The following AHRR variants were observed in gnomAD, a reference collection of about 807,000 sequenced individuals.
AHRR encodes the protein ahR repressor.
Under a neutral mutation model 44.0 loss-of-function variants are expected in AHRR, and 28 were observed. That is an observed-to-expected ratio of 0.64 (90% confidence interval 0.47 to 0.87). AHRR has a LOEUF of 0.87. AHRR is among the 40% of genes least tolerant of loss of function. The pLI is 0.00. For synonymous variants in AHRR, 434 were observed against 407.0 expected, an observed-to-expected ratio of 1.07 and a Z score of -0.80; for missense variants, 990 against 953.9, an observed-to-expected ratio of 1.04 and a Z score of -0.50.
Position 404,617 on chromosome 5 carries a change from A to C in AHRR, c.352-8727A>C. The stretch of plus-strand genomic sequence containing the variant: ...TTATGACGGTTTGGAAAAAACTGTC[A>C]TAAAAATTCACTCTCTTGGTTGAGT... On this transcript the variant is annotated intron_variant, in intron 4 of 10. Transcript: ENST00000684583. The surrounding 1 kb of genome is among the most constrained non-coding windows in gnomAD (Gnocchi z 4.1). The C allele has an allele frequency of 4.6e-6, 1 of 216,164 alleles. No homozygotes were observed. The highest frequency in any genetic ancestry group is 9.4e-6 in the Non-Finnish European group (1 of 106,526). The allele number at this position is 216,164 out of a possible 1,614,324, so 13.4% of individuals were successfully genotyped here.
chr5:349,019 G>C (rs1028101858), intron 2 of AHRR, among the ~76,000 whole-genome samples: 13 of 152,194 alleles, frequency 8.5e-5, no homozygotes, highest in Non-Finnish European at 1.8e-4. Context: ...CTCATGGGTT[G>C]GTGGTATCTC....
intron 3 of AHRR, among the ~76,000 whole-genome samples, chr5:368,595 G>A (rs1337854675): frequency 6.6e-6 from 1 of 152,258 alleles, no homozygotes; most frequent in East Asian, 1.9e-4. Flanking sequence ...ATGTGTGCAA[G>A]TATTCTTTTT....
intron 8 of AHRR, among the ~76,000 whole-genome samples, chr5:430,053 C>T (rs979141837): frequency 3.9e-5 from 6 of 152,230 alleles, no homozygotes; most frequent in South Asian, 4.1e-4. Context: ...CAGACGTCCC[C>T]GCCCTGTTCT....
chr5:376,336 G>T (rs1560898126), intron 3 of AHRR, among the ~76,000 whole-genome samples: 1 of 152,150 alleles, frequency 6.6e-6, no homozygotes, highest in Non-Finnish European at 1.5e-5. Context: ...AGCGGGTGTG[G>T]GGGCGTCCTC....
chr5:421,311 A>C (rs11745813), intron 5 of AHRR: 85,544 of 696,300 alleles, frequency 0.12, 6,144 homozygotes, highest in Admixed American at 0.17. Flanking sequence ...AGGTGCCCCC[A>C]CGGTCGCGAT....
chr5:336,126 C>T (rs1468683654), intron 1 of AHRR, among the ~76,000 whole-genome samples: 2 of 152,246 alleles, frequency 1.3e-5, no homozygotes, highest in Non-Finnish European at 2.9e-5. Context: ...GGCATGTTCC[C>T]TCCTGGAGCA....
At position 376,593 on chromosome 5, in the gene AHRR, C is replaced by T. The variant is rs1733707649; in HGVS notation, c.245-17C>T. ...CAAGGGTTGGGGGTGCCTAATGTGT[C>T]TTTTCTTCTCTGACAGTCGTGCAGG... On this transcript the variant is annotated splice_polypyrimidine_tract_variant and intron_variant, in intron 3 of 10. Transcript: ENST00000684583. The T allele has an allele frequency of 1.1e-6, 1 of 869,602 alleles. No homozygotes were observed. Among genetic ancestry groups the T allele is most frequent in the Non-Finnish European group, 1.4e-6 (1 of 729,134 alleles). 53.9% of individuals were successfully genotyped at this position (869,602 alleles called of 1,614,324 possible).
chr5:427,421 C>T (rs980003043), intron 7 of AHRR, among the ~76,000 whole-genome samples: 2 of 96,572 alleles, frequency 2.1e-5, no homozygotes, highest in African/African-American at 8.7e-5. Context: ...AGATCATCCA[C>T]TCCTGCGAAT....
In AHRR at chr5:434,361, T is replaced by C; in HGVS notation, c.1621T>C (p.Cys541Arg). The C allele has an allele frequency of 6.2e-7, 1 of 1,613,262 alleles. No homozygotes were observed. ...VSIKMEKDSG[C>R]EGAADGCVPS... is the part of the protein sequence containing the mutation. ...CATCAAGATGGAGAAGGACTCTGGGTGTGAGGGTGCTGCAGACGGCTGTGT... is the reference window on the plus strand; with the variant it reads ...CATCAAGATGGAGAAGGACTCTGGGCGTGAGGGTGCTGCAGACGGCTGTGT... The change falls in exon 11 of 11, where the codon TGT becomes CGT. Residue 541 changes from cysteine (C) to arginine (R), a missense_variant. Coordinates refer to ENST00000684583, the MANE Select transcript of AHRR (RefSeq NM_001377236.1).
In AHRR at chr5:436,104, C is replaced by T. The variant is rs1010500030; in HGVS notation, c.*1270C>T. 3.8e-5 allele frequency: 5 copies of T among 129,978 alleles called. No individual in the cohort carries two copies. The East Asian group carries it at 1.1e-3, about 28-fold the overall frequency. 8.1% of individuals were successfully genotyped at this position (129,978 alleles called of 1,614,324 possible). ...CCACCTGTGCGGGGGTGGGAAGGCC[C>T]CATCCTCAGGGAGAGGGCATCGGCG... On this transcript the variant is annotated 3_prime_UTR_variant, in exon 11 of 11. Transcript: ENST00000684583.
At chr5:401,349 C>T (rs761005659) in intron 4 of AHRR, among the ~76,000 whole-genome samples, 2 of 152,210 alleles carry the variant, frequency 1.3e-5, no homozygotes, top group Non-Finnish European at 2.9e-5. Context: ...GAAAGGGCCT[C>T]GATGCCACAG....
chr5:375,028 T>G (rs1056463143), intron 3 of AHRR, among the ~76,000 whole-genome samples: 6 of 152,046 alleles, frequency 3.9e-5, no homozygotes, highest in African/African-American at 1.2e-4. Context: ...TGTGAACCAC[T>G]TTGACTAGCA....
chr5:373,877 G>C lies in AHRR; in HGVS notation c.245-2733G>C, dbSNP rs1743670734. ...GGGGGCGGGAGCGCTGCTCGCACGCGAGGCCTGGCTGGCCCCATCGCGTGA... is the reference window on the plus strand; with the variant it reads ...GGGGGCGGGAGCGCTGCTCGCACGCCAGGCCTGGCTGGCCCCATCGCGTGA... On this transcript the variant is annotated intron_variant, in intron 3 of 10. Transcript: ENST00000684583. Among the ~76,000 whole-genome samples the C allele has an allele frequency of 4.0e-5, 6 of 151,022 alleles. No homozygotes were observed. The South Asian group carries it at 1.2e-3, about 31-fold the overall frequency.
chr5:422,838 A>G lies in AHRR; in HGVS notation c.551A>G (p.Gln184Arg). Residue 184 changes from glutamine (Q) to arginine (R), a missense_variant, in exon 6 of 11, where the codon CAG (glutamine) becomes CGG (arginine). Gln to Arg is a conservative substitution (Grantham distance 43). Coordinates refer to ENST00000684583, the MANE Select transcript of AHRR (RefSeq NM_001377236.1). ...AMDPPQVVFGQPPPLETGDDA... is the reference protein window; with the variant it reads ...AMDPPQVVFGRPPPLETGDDA... ...GACCCTCCCCAGGTGGTGTTTGGGC[A>G]GCCCCCGCCCTTGGAGACAGGTGGG... The G allele has an allele frequency of 6.2e-7, 1 of 1,613,268 alleles. No individual in the cohort carries two copies. Among genetic ancestry groups the G allele is most frequent in the Non-Finnish European group, 8.5e-7 (1 of 1,179,426 alleles).
rs74545098 is a variant in AHRR at position 378,836 on chromosome 5, C to T, written c.351+2120C>T. On this transcript the variant is annotated intron_variant, in intron 4 of 10. Coordinates refer to ENST00000684583, the MANE Select transcript of AHRR (RefSeq NM_001377236.1). ...CTGGAGCCACGGATGTGGCCTGTCT[C>T]GGGCTAGGATGCTGTCTCACTGACT... 4.7e-4 allele frequency among the ~76,000 whole-genome samples: 71 copies of T among 152,332 alleles called. 1 individual carries two copies. In the East Asian group the frequency reaches 0.012, roughly 26 times the overall value.
intron 8 of AHRR, 165 bp from the exon 9 acceptor site, chr5:432,298 C>A: frequency 1.6e-6 from 1 of 640,674 alleles, no homozygotes; most frequent in Admixed American, 3.0e-5. Context: ...AATAACTTTC[C>A]ACACTATAAA....
rs1000017652 is a variant in AHRR at position 413,505 on chromosome 5, C to G, written c.441+72C>G. The G allele has an allele frequency of 9.9e-6, 12 of 1,216,934 alleles. No homozygotes were observed. In the South Asian group the frequency reaches 1.4e-4, roughly 14 times the overall value. The allele number at this position is 1,216,934 out of a possible 1,614,324, so 75.4% of individuals were successfully genotyped here. The stretch of plus-strand genomic sequence containing the variant: ...TCTTCCCTTTGTAAATGTTTGTTGT[C>G]GTCAAGGTTTGATAATGTGTAAAAT... On this transcript the variant is annotated intron_variant, in intron 5 of 10. Coordinates refer to ENST00000684583, the MANE Select transcript of AHRR (RefSeq NM_001377236.1).
intron 2 of AHRR, among the ~76,000 whole-genome samples, chr5:350,296 T>C (rs953166239): frequency 2.0e-5 from 3 of 152,216 alleles, no homozygotes; most frequent in Admixed American, 6.5e-5. Flanking sequence ...CAGCTCTGGT[T>C]TGAGTGTCTT....
intron 5 of AHRR, among the ~76,000 whole-genome samples, chr5:420,303 T>C (rs1000506569): frequency 4.6e-5 from 7 of 152,228 alleles, no homozygotes; most frequent in Admixed American, 4.6e-4. Flanking sequence ...CATTCCTTAC[T>C]AGCCCCTGAA....
Sources: allele counts gnomAD v4.1 joint callset (sites outside exome capture counted in the v4.1 genomes callset), GRCh38; gene constraint gnomAD v4.1.1; non-coding constraint Gnocchi (gnomAD v3.1); transcripts MANE v1.5; gene names NCBI Gene and HGNC (gene_info 2026-07-23, HGNC 2026-07-21).